Variants in CRB2 observed in about 807,000 individuals in gnomAD.
CRB2 encodes protein crumbs homolog 2.
In CRB2, 85 loss-of-function variants were observed where a neutral mutation model predicts 110.9. The observed-to-expected ratio is 0.77, with a 90% CI of 0.64 to 0.92. The LOEUF (loss-of-function observed/expected upper bound fraction) is 0.92. CRB2 is among the 40% of genes least tolerant of loss of function. CRB2 has a pLI of 0.00. For synonymous variants in CRB2, 907 were observed against 831.0 expected (o/e 1.09, Z -1.57); for missense variants, 1,843 against 1,851.3 (o/e 1.00, Z 0.08).
chr9:123,357,046 C>T (rs1025067700), intron 1 of CRB2, among the ~76,000 whole-genome samples: 3 of 152,024 alleles, frequency 2.0e-5, no homozygotes, highest in African/African-American at 7.2e-5. Context: ...TCCATTTGTG[C>T]GGTAGCCCTG....
In CRB2 at chr9:123,356,366, C is replaced by T; in HGVS notation, c.94+12C>T. ...TTCCCTCCTGGCTGGTGAGTTGGGG[C>T]CCATGTCTGGAGGGGCCTGGGAGAG... is the stretch of plus-strand genomic sequence containing the variant. On this transcript the variant is annotated intron_variant, in intron 1 of 12. Coordinates refer to ENST00000373631, the MANE Select transcript of CRB2 (RefSeq NM_173689.7). 5.9e-6 allele frequency: 9 copies of T among 1,537,108 alleles called. No individual in the cohort carries two copies. The highest frequency in any genetic ancestry group is 7.0e-6 in the Non-Finnish European group (8 of 1,141,206).
chr9:123,374,723 G>C, intron 11 of CRB2, 28 bp downstream of exon 11: 1 of 1,532,976 alleles, frequency 6.5e-7, no homozygotes, highest in Admixed American at 1.7e-5. Context: ...GGAACTGTGA[G>C]GAGGTCCAAT....
chr9:123,366,734 C>T (rs1204529183), intron 4 of CRB2, among the ~76,000 whole-genome samples: 1 of 151,964 alleles, frequency 6.6e-6, no homozygotes, highest in Non-Finnish European at 1.5e-5. Context: ...GGGCGGATCA[C>T]GAGGTCAGGA....
At chr9:123,361,524 G>A (rs2041868704) in intron 1 of CRB2, among the ~76,000 whole-genome samples, 1 of 151,562 alleles carries the variant, frequency 6.6e-6, no homozygotes, top group Non-Finnish European at 1.5e-5. Context: ...GGAGGGAAGG[G>A]TGCAGGGTCT....
At chr9:123,361,564 G>C (rs2041869091) in intron 1 of CRB2, among the ~76,000 whole-genome samples, 1 of 139,754 alleles carries the variant, frequency 7.2e-6, no homozygotes, top group South Asian at 2.6e-4. Flanking sequence ...TGAGTGTCTA[G>C]ATGACAACCT....
chr9:123,358,547 A>C (rs1238075960), intron 1 of CRB2, among the ~76,000 whole-genome samples: 1 of 152,264 alleles, frequency 6.6e-6, no homozygotes, highest in Non-Finnish European at 1.5e-5. Flanking sequence ...CCTCAAGTAA[A>C]GAATTGTTAA....
In CRB2 at chr9:123,378,183, A is replaced by G. The variant is rs2042133938; in HGVS notation, c.*1121A>G. The stretch of plus-strand genomic sequence containing the variant: ...TGCTGAGTACAGGGGCTCAGTGAAC[A>G]CTGGCGCTGCCTCTGAGTCGGGGCT... On this transcript the variant is annotated 3_prime_UTR_variant, in exon 13 of 13. Transcript: ENST00000373631. 6.6e-6 allele frequency: 1 copy of G among 152,244 alleles called. No individual in the cohort carries two copies. Among genetic ancestry groups the G allele is most frequent in the South Asian group, 2.1e-4 (1 of 4,834 alleles). The allele number at this position is 152,244 out of a possible 1,614,324, so 9.4% of individuals were successfully genotyped here.
Position 123,373,932 on chromosome 9 carries a change from G to A in CRB2, c.3389+12G>A. 6.5e-7 allele frequency: 1 copy of A among 1,549,612 alleles called. No homozygotes were observed. On this transcript the variant is annotated intron_variant, in intron 10 of 12. Transcript: ENST00000373631. ...GGCCCGCGCTGCAGGTGGGATGGCTGGGCAGGGGGGTGGGCTGCGAATGCC... is the reference window on the plus strand; with the variant it reads ...GGCCCGCGCTGCAGGTGGGATGGCTAGGCAGGGGGGTGGGCTGCGAATGCC...
chr9:123,362,165 G>C (rs2041875878), intron 1 of CRB2, among the ~76,000 whole-genome samples: 1 of 152,228 alleles, frequency 6.6e-6, no homozygotes, highest in Admixed American at 6.5e-5. Flanking sequence ...GGGTAGTGAT[G>C]TGGAGAAGGG....
At position 123,366,354 on chromosome 9, in the gene CRB2, C is replaced by T. The variant is rs374649284; in HGVS notation, c.742C>T (p.Leu248Phe). The change falls in exon 4 of 13, where the codon CTC becomes TTC. Residue 248 changes from leucine (L) to phenylalanine (F), a missense_variant. By Grantham distance (22) the Leu-to-Phe change is conservative. Transcript: ENST00000373631. ...CLEGLGSFRCLCWPGYSGELC... is the reference protein window; with the variant it reads ...CLEGLGSFRCFCWPGYSGELC... ...CGAGGGCCTCGGGAGCTTCCGCTGC[C>T]TCTGTTGGCCAGGTGTGTGCGTGCA... 3 of 1,549,578 alleles carry T rather than the reference C, an allele frequency of 1.9e-6. No homozygotes were observed. The highest frequency in any genetic ancestry group is 2.6e-6 in the Non-Finnish European group (3 of 1,159,876).
chr9:123,373,338 G>A lies in CRB2; in HGVS notation c.2807G>A (p.Gly936Asp), dbSNP rs1357970972. 12 of 1,439,636 alleles carry A rather than the reference G, an allele frequency of 8.3e-6. No individual in the cohort carries two copies. In the East Asian group the frequency reaches 1.2e-4, roughly 14 times the overall value. The allele number at this position is 1,439,636 out of a possible 1,614,324, so 89.2% of individuals were successfully genotyped here. A position where few individuals can be genotyped will look rare whatever the true frequency, so the allele number is the denominator to read the frequency against. The change falls in exon 10 of 13, where the codon GGC becomes GAC. Residue 936 changes from glycine (G) to aspartate (D), a missense_variant. Physicochemically the swap from Gly to Asp is moderately conservative, Grantham distance 94. Coordinates refer to ENST00000373631, the MANE Select transcript of CRB2 (RefSeq NM_173689.7). ...NGSLAGGVRG[G>D]HGLPGAVLPI... ...TCGCTGGCGGGGGGCGTGCGCGGAG[G>A]CCATGGCCTGCCCGGCGCTGTGCTG...
intron 12 of CRB2, 74 bp downstream of exon 12, chr9:123,375,417 G>A (rs2130783995): frequency 1.4e-6 from 2 of 1,468,258 alleles, no homozygotes; most frequent in South Asian, 1.4e-5. Context: ...TGGGGAGAGA[G>A]CGCAGCACCA....
chr9:123,354,121 T>C (rs2041773545), upstream of CRB2, among the ~76,000 whole-genome samples: 1 of 152,206 alleles, frequency 6.6e-6, no homozygotes, highest in African/African-American at 2.4e-5. Context: ...TCCTGCCTGC[T>C]GTCCAGCGAC....
chr9:123,356,496 G>A (rs540034237), intron 1 of CRB2, 142 bp downstream of exon 1: 13 of 495,204 alleles, frequency 2.6e-5, no homozygotes, highest in South Asian at 1.7e-4. Flanking sequence ...AGGAGTGCGC[G>A]GCTGTGGCCC....
chr9:123,358,449 T>TG (rs2041824969), intron 1 of CRB2, among the ~76,000 whole-genome samples: 3 of 151,352 alleles, frequency 2.0e-5, no homozygotes, highest in African/African-American at 7.3e-5. Flanking sequence ...CAGAAGGGGG[T>TG]GGGGGCCTGC....
intron 10 of CRB2, 69 bp from the exon 11 acceptor site, chr9:123,374,510 C>T (rs753153279): frequency 1.6e-5 from 18 of 1,143,434 alleles, no homozygotes; most frequent in South Asian, 4.0e-5. Flanking sequence ...AGGTGGCCCA[C>T]GGTCACAGCG....
At position 123,366,084 on chromosome 9, in the gene CRB2, G is replaced by A; in HGVS notation, c.586G>A (p.Gly196Arg). Residue 196 changes from glycine (G) to arginine (R), a missense_variant, in exon 3 of 13, where the codon GGG becomes AGG. By Grantham distance (125) the Gly-to-Arg change is moderately radical (BLOSUM62 -2). Coordinates refer to ENST00000373631, the MANE Select transcript of CRB2 (RefSeq NM_173689.7). ...DECQSQPCAH[G>R]GTCHDLVNGF... ...GTGCCAGAGCCAGCCGTGCGCACAT[G>A]GGGGCACGTGCCACGACCTGGTCAA... 6.5e-7 allele frequency: 1 copy of A among 1,541,388 alleles called. No individual in the cohort carries two copies. The highest frequency in any genetic ancestry group is 1.2e-5 in the South Asian group (1 of 84,274).
rs12378884 is a variant in CRB2 at position 123,375,084 on chromosome 9, C to T, written c.3507-133C>T. 103,953 of 1,353,732 alleles carry T rather than the reference C, an allele frequency of 0.077. 4,457 individuals are homozygous for T. The highest frequency in any genetic ancestry group is 0.12 in the South Asian group (8,668 of 74,368). 83.9% of individuals were successfully genotyped at this position (1,353,732 alleles called of 1,614,324 possible). On this transcript the variant is annotated intron_variant, in intron 11 of 12. Coordinates refer to ENST00000373631, the MANE Select transcript of CRB2 (RefSeq NM_173689.7). The stretch of plus-strand genomic sequence containing the variant: ...GGTCACCTGGCAGGGCCCAGCTGGG[C>T]AGGAGCAGCGCATGGGGACAGTGGA...
chr9:123,371,374 C>T lies in CRB2; in HGVS notation c.2232C>T (p.His744=), dbSNP rs764349147. 4 of 1,605,164 alleles carry T rather than the reference C, an allele frequency of 2.5e-6. No homozygotes were observed. The highest frequency in any genetic ancestry group is 1.3e-5 in the African/African-American group (1 of 74,840). ...GPDQLQDLGQ[H]VHVGGRLLAA... ...ACCAGCTGCAGGACCTGGGGCAGCA[C>T]GTGCACGTGGGTGGGAGGCTCCTTG... Residue 744 remains histidine (H), a synonymous_variant, in exon 8 of 13, where the codon CAC becomes CAT. Transcript: ENST00000373631.
Sources: gnomAD v4.1 joint callset for allele counts (sites outside exome capture counted in the v4.1 genomes callset) on GRCh38, gnomAD v4.1.1 for gene constraint, MANE v1.5 for transcripts, NCBI Gene and HGNC (gene_info 2026-07-23, HGNC 2026-07-21) for gene names.